The following CLINT1 variants were observed in gnomAD, a reference collection of about 807,000 sequenced individuals.
CLINT1 encodes clathrin interactor 1.
A neutral mutation model predicts 70.4 loss-of-function variants in CLINT1; 15 were observed. That is an observed-to-expected ratio of 0.21 (90% CI 0.14 to 0.33). CLINT1 has a LOEUF of 0.33. Among genes scored for constraint, CLINT1 ranks in the 10% least tolerant of loss-of-function variants. The probability of loss-of-function intolerance (pLI) is 1.00; values close to 1 mark genes in which losing one functional copy is unlikely to be tolerated. For synonymous variants in CLINT1, 227 were observed against 254.7 expected (o/e 0.89, Z 1.04); for missense variants, 615 against 778.1 (o/e 0.79, Z 2.49).
At chr5:157,849,142 C>T (rs777396662) in intron 1 of CLINT1, among the ~76,000 whole-genome samples, 8 of 152,262 alleles carry the variant, frequency 5.3e-5, no homozygotes, top group South Asian at 2.1e-4. Flanking sequence ...AAAATGCTAT[C>T]GAGCAGCATT....
At chr5:157,826,453 G>T (rs549408139) in intron 1 of CLINT1, among the ~76,000 whole-genome samples, 1 of 151,786 alleles carries the variant, frequency 6.6e-6, no homozygotes, top group East Asian at 1.9e-4. Flanking sequence ...TTCTGTCCAT[G>T]AATTATCATT....
At chr5:157,791,068 C>CT (rs1000659832) in intron 10 of CLINT1, among the ~76,000 whole-genome samples, 10 of 151,420 alleles carry the variant, frequency 6.6e-5, no homozygotes, top group Admixed American at 2.0e-4. Flanking sequence ...TTTTCTTTTC[C>CT]TTTTTTTTGA....
intron 1 of CLINT1, among the ~76,000 whole-genome samples, chr5:157,848,564 C>T (rs947910776): frequency 2.6e-5 from 4 of 151,046 alleles, no homozygotes; most frequent in Non-Finnish European, 5.9e-5. Context: ...AGTACAGTGG[C>T]GCTATTTCCG....
chr5:157,804,056 A>AT (rs1175796769), intron 7 of CLINT1, among the ~76,000 whole-genome samples: 1 of 149,838 alleles, frequency 6.7e-6, no homozygotes, highest in Non-Finnish European at 1.5e-5. Flanking sequence ...AAAAAAAAAA[A>AT]AATACCCTAG....
intron 1 of CLINT1, among the ~76,000 whole-genome samples, chr5:157,846,018 C>T (rs1753364899): frequency 6.6e-6 from 1 of 152,204 alleles, no homozygotes; most frequent in African/African-American, 2.4e-5. Context: ...GCTCCACTGA[C>T]TGCCCATTCC....
chr5:157,795,023 A>G (rs924111189), intron 8 of CLINT1, 51 bp from the exon 9 acceptor site: 2 of 1,468,786 alleles, frequency 1.4e-6, no homozygotes, highest in Non-Finnish European at 1.9e-6. Flanking sequence ...AAAATTGTAA[A>G]TAATTTCTGG....
At chr5:157,827,196 A>G (rs1235891237) in intron 1 of CLINT1, among the ~76,000 whole-genome samples, 6 of 152,194 alleles carry the variant, frequency 3.9e-5, no homozygotes, top group Non-Finnish European at 8.8e-5. Context: ...CAAGGTCAGA[A>G]AAGATTACCT....
At chr5:157,858,712 G>C (rs1229270967) in intron 1 of CLINT1, among the ~76,000 whole-genome samples, 1 of 152,202 alleles carries the variant, frequency 6.6e-6, no homozygotes, top group African/African-American at 2.4e-5. Context: ...AGAGAAGGGT[G>C]GCCAAGAGGA....
At chr5:157,825,919 T>C (rs1763021173) in intron 1 of CLINT1, among the ~76,000 whole-genome samples, 1 of 152,196 alleles carries the variant, frequency 6.6e-6, no homozygotes, top group Non-Finnish European at 1.5e-5. Context: ...GGTGTTTTAA[T>C]ACTACTGAAC....
intron 8 of CLINT1, 162 bp from the exon 9 acceptor site, chr5:157,795,134 G>A (rs1407639851): frequency 3.2e-6 from 2 of 626,286 alleles, no homozygotes; most frequent in Non-Finnish European, 5.7e-6. Flanking sequence ...ATGTCACTAT[G>A]TTCCCTATGA....
At chr5:157,821,849 T>C (rs569472902) in intron 1 of CLINT1, among the ~76,000 whole-genome samples, 79 of 152,320 alleles carry the variant, frequency 5.2e-4, no homozygotes, top group African/African-American at 1.9e-3. Flanking sequence ...GAATGAAGAA[T>C]ACAAGAATAA....
chr5:157,799,496 G>A (rs186213740), intron 8 of CLINT1, among the ~76,000 whole-genome samples: 2 of 152,018 alleles, frequency 1.3e-5, no homozygotes, highest in African/African-American at 4.8e-5. Context: ...TATCTGTATT[G>A]ATTATGCTGA....
intron 8 of CLINT1, among the ~76,000 whole-genome samples, chr5:157,797,375 G>A (rs1337153598): frequency 1.3e-5 from 2 of 151,930 alleles, no homozygotes; most frequent in African/African-American, 4.8e-5. Flanking sequence ...TAGGAGTTAG[G>A]GATTTTCTTT....
At chr5:157,789,272 A>G (rs1408576348) in intron 11 of CLINT1, 91 bp downstream of exon 11, 1 of 1,086,714 alleles carries the variant, frequency 9.2e-7, no homozygotes, top group Non-Finnish European at 1.4e-6. Flanking sequence ...AATTTATGTG[A>G]TATATTTTTA....
At chr5:157,801,348 A>G (rs966654205) in intron 8 of CLINT1, among the ~76,000 whole-genome samples, 4 of 150,260 alleles carry the variant, frequency 2.7e-5, no homozygotes, top group African/African-American at 7.4e-5. Context: ...CTCTACTAAA[A>G]ATACAAAAAT....
intron 1 of CLINT1, among the ~76,000 whole-genome samples, chr5:157,835,526 T>C (rs746965211): frequency 3.3e-5 from 5 of 152,044 alleles, no homozygotes; most frequent in Non-Finnish European, 5.9e-5. Flanking sequence ...CTACACTATA[T>C]CTTATGCAGT....
In CLINT1 at chr5:157,786,652, T is replaced by C. The variant is rs995007812; in HGVS notation, c.*994A>G. The C allele has an allele frequency of 6.6e-6, 1 of 152,566 alleles. No individual in the cohort carries two copies. The highest frequency in any genetic ancestry group is 2.4e-5 in the African/African-American group (1 of 41,438). 9.5% of individuals were successfully genotyped at this position (152,566 alleles called of 1,614,324 possible). ...GAACCATATTGCTAATGCTGCATTA[T>C]ATACACTCAAAACCAAAACAAAACA... On this transcript the variant is annotated 3_prime_UTR_variant, in exon 12 of 12. Coordinates refer to ENST00000411809, the MANE Select transcript of CLINT1 (RefSeq NM_014666.4).
chr5:157,838,967 G>A (rs1042812769), intron 1 of CLINT1, among the ~76,000 whole-genome samples: 4 of 152,204 alleles, frequency 2.6e-5, no homozygotes, highest in African/African-American at 7.2e-5. Context: ...AGGTGTGCTG[G>A]CTCATGCCTA....
chr5:157,830,749 TCTCTCTCC>T (rs1338400101), intron 1 of CLINT1, among the ~76,000 whole-genome samples: 59 of 109,774 alleles, frequency 5.4e-4, no homozygotes, highest in Middle Eastern at 4.1e-3. Context: ...TGCCCCTCCC[TCTCTCTCC>T]CTCTCTCTCT....
Sources: allele counts gnomAD v4.1 joint callset (sites outside exome capture counted in the v4.1 genomes callset), GRCh38; gene constraint gnomAD v4.1.1; transcripts MANE v1.5; gene names NCBI Gene and HGNC (gene_info 2026-07-23, HGNC 2026-07-21).